Variants in CASR observed in about 807,000 individuals in gnomAD.
The protein encoded by CASR is extracellular calcium-sensing receptor.
Under a neutral mutation model 69.1 loss-of-function variants are expected in CASR, and 23 were observed. The observed-to-expected ratio is 0.33, with a 90% CI of 0.24 to 0.47. CASR has a LOEUF of 0.47. CASR is among the 20% of genes least tolerant of loss of function. The pLI, the probability that CASR is intolerant of heterozygous loss-of-function variation, is 1.00. For missense variants in CASR, 924 were observed against 1,356.1 expected, an observed-to-expected ratio of 0.68 and a Z score of 5.00; for synonymous variants, 541 against 544.7, an observed-to-expected ratio of 0.99 and a Z score of 0.10.
At chr3:122,266,048 ATCTTGTTCATTATCTGTG>A (rs1279050544) in intron 4 of CASR, among the ~76,000 whole-genome samples, 1 of 152,154 alleles carries the variant, frequency 6.6e-6, no homozygotes, top group East Asian at 1.9e-4. Context: ...GAACTTCATT[ATCTTGTTCATTATCTGTG>A]TGACCTGGCC....
intron 1 of CASR, among the ~76,000 whole-genome samples, chr3:122,188,939 C>A (rs547427669): frequency 1.3e-5 from 2 of 152,330 alleles, no homozygotes; most frequent in South Asian, 4.1e-4. Context: ...ACAATACAGA[C>A]ATGTGTGATA....
chr3:122,276,153 C>A, intron 5 of CASR, 111 bp downstream of exon 5: 2 of 739,660 alleles, frequency 2.7e-6, no homozygotes, highest in Non-Finnish European at 4.9e-6. Context: ...AAAGAGTCCA[C>A]TTCCCTGAAC....
intron 1 of CASR, among the ~76,000 whole-genome samples, chr3:122,198,858 G>A (rs2107585495): frequency 6.6e-6 from 1 of 151,444 alleles, no homozygotes; most frequent in South Asian, 2.1e-4. Flanking sequence ...TATATATGGG[G>A]GATAAAGAAT....
At chr3:122,212,700 G>T (rs2074080859) in intron 1 of CASR, among the ~76,000 whole-genome samples, 1 of 151,054 alleles carries the variant, frequency 6.6e-6, no homozygotes, top group African/African-American at 2.4e-5. Flanking sequence ...GAAGTGTAAT[G>T]GCGCGATCTC....
At chr3:122,187,051 T>G (rs1172775650) in intron 1 of CASR, among the ~76,000 whole-genome samples, 2 of 152,258 alleles carry the variant, frequency 1.3e-5, no homozygotes. Context: ...TATTTTATTG[T>G]GTACAATAAA....
chr3:122,284,559 A>G lies in CASR; in HGVS notation c.2605A>G (p.Ile869Val). 3 of 1,614,050 alleles carry G rather than the reference A, an allele frequency of 1.9e-6. No individual in the cohort carries two copies. Among genetic ancestry groups the G allele is most frequent in the Non-Finnish European group, 1.7e-6 (2 of 1,180,014 alleles). ...TCTCTTCAAGCCATCCCGCAACACC[A>G]TCGAGGAGGTGCGTTGCAGCACCGC... ...IILFKPSRNT[I>V]EEVRCSTAAH... Residue 869 changes from isoleucine to valine, a missense_variant, in exon 7 of 7, where the codon ATC becomes GTC. Physicochemically the swap from Ile to Val is conservative, Grantham distance 29. This residue lies in a region of CASR where 42 missense variants were observed against 73.2 expected (regional missense o/e 0.57). Coordinates refer to ENST00000639785, the MANE Select transcript of CASR (RefSeq NM_000388.4).
At chr3:122,263,606 G>A (rs1217214008) in intron 4 of CASR, among the ~76,000 whole-genome samples, 7 of 152,310 alleles carry the variant, frequency 4.6e-5, no homozygotes, top group Admixed American at 6.5e-5. Context: ...CACACAACTT[G>A]TATCAGTCAC....
Position 122,290,006 on chromosome 3 carries a change from C to A in CASR, c.*4815C>A, listed in dbSNP as rs1302617990. ...CTGAGGTGGGGGGATCTGCTTGAGC[C>A]CAGGAGGTGAAGGCTGCATTGAGCT... On this transcript the variant is annotated 3_prime_UTR_variant, in exon 7 of 7. Transcript: ENST00000639785. 6.6e-6 allele frequency: 1 copy of A among 151,194 alleles called. No homozygotes were observed. Among genetic ancestry groups the A allele is most frequent in the Non-Finnish European group, 1.5e-5 (1 of 67,952 alleles). The allele number at this position is 151,194 out of a possible 1,614,324, so 9.4% of individuals were successfully genotyped here.
At chr3:122,266,347 C>A (rs2074694203) in intron 4 of CASR, among the ~76,000 whole-genome samples, 1 of 151,394 alleles carries the variant, frequency 6.6e-6, no homozygotes, top group East Asian at 1.9e-4. Context: ...ATCTATGTGT[C>A]TTTCTTGGTG....
intron 4 of CASR, among the ~76,000 whole-genome samples, chr3:122,268,678 C>A (rs2107637941): frequency 6.6e-6 from 1 of 152,286 alleles, no homozygotes; most frequent in South Asian, 2.1e-4. Flanking sequence ...TAAAACAGTG[C>A]CTGCTTGGCC....
In CASR at chr3:122,288,539, G is replaced by A. The variant is rs953284426; in HGVS notation, c.*3348G>A. 2 of 152,180 alleles carry A rather than the reference G, an allele frequency of 1.3e-5. No homozygotes were observed. The highest frequency in any genetic ancestry group is 1.5e-5 in the Non-Finnish European group (1 of 68,046). The allele number at this position is 152,180 out of a possible 1,614,324, so 9.4% of individuals were successfully genotyped here. A position where few individuals can be genotyped will look rare whatever the true frequency, so the allele number is the denominator to read the frequency against. ...GAGATCTATTCCTGTTCTCACTGTG[G>A]TCCTCTTCCCTTCACCTAGCTCACT... is the stretch of plus-strand genomic sequence containing the variant. On this transcript the variant is annotated 3_prime_UTR_variant, in exon 7 of 7. Transcript: ENST00000639785.
chr3:122,229,268 C>G (rs1236452891), intron 1 of CASR, among the ~76,000 whole-genome samples: 1 of 150,828 alleles, frequency 6.6e-6, no homozygotes, highest in Non-Finnish European at 1.5e-5. Flanking sequence ...CAAAATCAGG[C>G]CACTCTTCTT....
At position 122,283,859 on chromosome 3, in the gene CASR, C is replaced by G. The variant is rs1236939418; in HGVS notation, c.1905C>G (p.Ile635Met). 2 of 1,614,068 alleles carry G rather than the reference C, an allele frequency of 1.2e-6. No homozygotes were observed. ...CAGCCTTTGTGCTGGGTGTGTTTAT[C>G]AAGTTCCGCAACACACCCATTGTCA... ...FLTAFVLGVF[I>M]KFRNTPIVKA... Residue 635 changes from isoleucine (I) to methionine (M), a missense_variant, in exon 7 of 7, where the codon ATC (isoleucine) becomes ATG (methionine). Around this residue, in one of 8 missense-constraint regions of CASR, gnomAD observed 184 missense variants for 278.8 expected, o/e 0.66. Transcript: ENST00000639785.
rs1430653919 is a variant in CASR, at chr3:122,244,720, C to T, written c.-242-9228C>T. ...TGTGGAAATTCTTGTATGATTTGTG[C>T]ATATCTGATGTCTATCATGCTTCAA... On this transcript the variant is annotated intron_variant, in intron 1 of 6. Transcript: ENST00000639785. 2.6e-5 allele frequency among the ~76,000 whole-genome samples: 4 copies of T among 151,554 alleles called. No individual in the cohort carries two copies. In the East Asian group the frequency reaches 7.9e-4, roughly 30 times the overall value.
At chr3:122,255,478 A>G (rs1424326308) in intron 2 of CASR, among the ~76,000 whole-genome samples, 1 of 152,234 alleles carries the variant, frequency 6.6e-6, no homozygotes, top group Admixed American at 6.5e-5. Context: ...TGAATGCAGG[A>G]AATCTAAGTG....
At chr3:122,206,601 TG>T in intron 1 of CASR, among the ~76,000 whole-genome samples, 1 of 151,592 alleles carries the variant, frequency 6.6e-6, no homozygotes, top group East Asian at 1.9e-4. Context: ...ACAATGAGTT[TG>T]TAAGTATTCT....
intron 4 of CASR, among the ~76,000 whole-genome samples, chr3:122,264,093 G>A (rs1335376158): frequency 3.7e-5 from 4 of 109,174 alleles, no homozygotes; most frequent in East Asian, 2.7e-4. Flanking sequence ...GTCAAGACCA[G>A]ACCTTGGACC....
intron 1 of CASR, among the ~76,000 whole-genome samples, chr3:122,192,865 C>T (rs1037157769): frequency 1.3e-5 from 2 of 152,186 alleles, no homozygotes; most frequent in African/African-American, 4.8e-5. Flanking sequence ...GCTCTTCTCA[C>T]GATCCAGCTG....
chr3:122,283,542 G>T (rs1015776303), intron 6 of CASR, 145 bp from the exon 7 acceptor site: 23 of 709,182 alleles, frequency 3.2e-5, no homozygotes, highest in Non-Finnish European at 5.8e-5. Context: ...TTTTGATAAT[G>T]TAAAAATCAG....
Sources: gnomAD v4.1 joint callset for allele counts (sites outside exome capture counted in the v4.1 genomes callset) on GRCh38, gnomAD v4.1.1 for gene constraint, gnomAD v4.1.1 regional missense constraint, MANE v1.5 for transcripts, NCBI Gene and HGNC (gene_info 2026-07-23, HGNC 2026-07-21) for gene names.